The following FCHO2 variants were observed in gnomAD, a reference collection of about 807,000 sequenced individuals.
FCHO2 encodes the protein FCH and mu domain containing endocytic adaptor 2.
Under a neutral mutation model 114.1 loss-of-function variants are expected in FCHO2, and 43 were observed. The ratio of observed to expected loss-of-function variants is 0.38; its 90% CI spans 0.30 to 0.49. The LOEUF (loss-of-function observed/expected upper bound fraction) is 0.49, where lower values mean the gene tolerates loss of function less well. Ranked by LOEUF, FCHO2 falls within the 20% of genes least tolerant of loss-of-function variation. The pLI, the probability that FCHO2 is intolerant of heterozygous loss-of-function variation, is 0.97. For synonymous variants in FCHO2, 293 were observed against 315.2 expected (o/e 0.93, Z 0.75); for missense variants, 807 against 950.4 (o/e 0.85, Z 1.98).
At chr5:73,054,463 A>G in intron 14 of FCHO2, 62 bp from the exon 15 acceptor site, 1 of 1,404,112 alleles carries the variant, frequency 7.1e-7, no homozygotes. Context: ...TTAACATTTT[A>G]CCAAATATTT....
intron 11 of FCHO2, among the ~76,000 whole-genome samples, chr5:73,046,163 C>G (rs1011567872): frequency 2.6e-5 from 4 of 152,200 alleles, no homozygotes; most frequent in African/African-American, 9.7e-5. Flanking sequence ...CTCCTTGGCT[C>G]AAGTGATCCT....
chr5:73,048,731 T>C (rs1326553237), intron 11 of FCHO2, among the ~76,000 whole-genome samples: 2 of 152,056 alleles, frequency 1.3e-5, no homozygotes, highest in Admixed American at 1.3e-4. Context: ...TGAATATATA[T>C]GTAGTTTTGT....
chr5:73,021,895 G>C (rs77680475), intron 8 of FCHO2, among the ~76,000 whole-genome samples: 1 of 152,142 alleles, frequency 6.6e-6, no homozygotes, highest in East Asian at 1.9e-4. Flanking sequence ...CTCTTACTGT[G>C]TGCCATGTAC....
At chr5:73,066,575 C>CTTTTTTTTTTTTTTTT (rs3054234) in intron 18 of FCHO2, among the ~76,000 whole-genome samples, 2 of 101,426 alleles carry the variant, frequency 2.0e-5, no homozygotes, top group Non-Finnish European at 4.0e-5. Context: ...AGTGCCTTTT[C>CTTTTTTTTTTTTTTTT]TTTTTTTTTT....
rs570294804 is a variant in FCHO2, at chr5:73,030,257, G to A, written c.797-4400G>A. 2.6e-5 allele frequency among the ~76,000 whole-genome samples: 4 copies of A among 152,078 alleles called. No individual in the cohort carries two copies. The East Asian group carries it at 7.8e-4, about 29-fold the overall frequency. ...GGTTTTCACCATGTTGGCCAGGCTGGCGTTGGACTCCTGACCTCAGGTGAT... is the reference window on the plus strand; with the variant it reads ...GGTTTTCACCATGTTGGCCAGGCTGACGTTGGACTCCTGACCTCAGGTGAT... On this transcript the variant is annotated intron_variant, in intron 8 of 25. Coordinates refer to ENST00000430046, the MANE Select transcript of FCHO2 (RefSeq NM_138782.3).
chr5:73,066,833 G>C (rs917117528), intron 18 of FCHO2, among the ~76,000 whole-genome samples: 1 of 151,946 alleles, frequency 6.6e-6, no homozygotes, highest in Admixed American at 6.6e-5. Context: ...AAGCAACTGT[G>C]TATTATTAAC....
chr5:72,974,990 G>A (rs185838808), intron 2 of FCHO2, among the ~76,000 whole-genome samples: 6 of 152,086 alleles, frequency 3.9e-5, no homozygotes, highest in East Asian at 1.9e-4. Flanking sequence ...TATGAAATTC[G>A]GGGTTGAAAA....
intron 11 of FCHO2, among the ~76,000 whole-genome samples, chr5:73,042,296 T>C (rs1756839761): frequency 6.6e-6 from 1 of 152,158 alleles, no homozygotes; most frequent in African/African-American, 2.4e-5. Flanking sequence ...CTTGGTTAAC[T>C]AATTAATGAA....
intron 1 of FCHO2, among the ~76,000 whole-genome samples, chr5:72,959,130 G>T (rs1751714694): frequency 6.6e-6 from 1 of 152,088 alleles, no homozygotes; most frequent in African/African-American, 2.4e-5. Flanking sequence ...TTATTTCCTG[G>T]CTTGGAATTG....
intron 8 of FCHO2, among the ~76,000 whole-genome samples, chr5:73,023,210 C>T (rs925815672): frequency 2.0e-5 from 3 of 152,028 alleles, no homozygotes; most frequent in African/African-American, 2.4e-5. Flanking sequence ...CAAAATATAA[C>T]GTTTTAGAAC....
intron 2 of FCHO2, among the ~76,000 whole-genome samples, chr5:72,969,502 C>T (rs1345291386): frequency 1.3e-5 from 2 of 152,250 alleles, no homozygotes; most frequent in African/African-American, 4.8e-5. Flanking sequence ...CGGGCTTCTA[C>T]ATTATCATTG....
chr5:73,060,190 A>G (rs1209053121), intron 17 of FCHO2, among the ~76,000 whole-genome samples: 2 of 151,994 alleles, frequency 1.3e-5, no homozygotes, highest in African/African-American at 2.4e-5. Context: ...TTTAGTGGTC[A>G]TTGATGTTTG....
Position 73,081,993 on chromosome 5 carries a change from C to A in FCHO2, c.2180+11C>A. The A allele has an allele frequency of 7.0e-7, 1 of 1,433,322 alleles. No individual in the cohort carries two copies. The highest frequency in any genetic ancestry group is 9.2e-7 in the Non-Finnish European group (1 of 1,081,890). The allele number at this position is 1,433,322 out of a possible 1,614,324, so 88.8% of individuals were successfully genotyped here. On this transcript the variant is annotated intron_variant, in intron 23 of 25. Transcript: ENST00000430046. ...TCCCCCTGCAATATGGTAAATTAAA[C>A]ATACGTTTCTGAATTCCCACTAAAT...
intron 11 of FCHO2, among the ~76,000 whole-genome samples, chr5:73,046,040 C>T (rs1359492171): frequency 6.6e-6 from 1 of 152,134 alleles, no homozygotes; most frequent in Non-Finnish European, 1.5e-5. Flanking sequence ...TCCATTACCT[C>T]CAGCTGGTTG....
intron 5 of FCHO2, among the ~76,000 whole-genome samples, chr5:72,995,538 A>G (rs1304223608): frequency 6.6e-6 from 1 of 152,070 alleles, no homozygotes; most frequent in Non-Finnish European, 1.5e-5. Flanking sequence ...GTGAGCCACC[A>G]TGCCTGGCTT....
intron 19 of FCHO2, among the ~76,000 whole-genome samples, chr5:73,072,176 G>A (rs1248555251): frequency 1.3e-5 from 2 of 151,848 alleles, no homozygotes; most frequent in African/African-American, 4.8e-5. Context: ...TTACAGGCAT[G>A]AGCCAGTACA....
chr5:72,995,101 C>T (rs1754016189), intron 5 of FCHO2, among the ~76,000 whole-genome samples: 1 of 151,950 alleles, frequency 6.6e-6, no homozygotes. Context: ...TCACATGTTC[C>T]CCTGAACCTA....
At chr5:73,062,511 C>T (rs1478187332) in intron 17 of FCHO2, among the ~76,000 whole-genome samples, 1 of 152,008 alleles carries the variant, frequency 6.6e-6, no homozygotes, top group Non-Finnish European at 1.5e-5. Flanking sequence ...GTGTTATGGG[C>T]TTCAGATTTT....
At chr5:73,010,178 G>A (rs1037848402) in intron 6 of FCHO2, among the ~76,000 whole-genome samples, 23 of 152,250 alleles carry the variant, frequency 1.5e-4, no homozygotes, top group African/African-American at 5.5e-4. Context: ...ATCAAATTTG[G>A]GTGGTAGGAC....
Sources: allele counts gnomAD v4.1 joint callset (sites outside exome capture counted in the v4.1 genomes callset), GRCh38; gene constraint gnomAD v4.1.1; transcripts MANE v1.5; gene names NCBI Gene and HGNC (gene_info 2026-07-23, HGNC 2026-07-21).